The following CACHD1 variants were observed in gnomAD, a reference collection of about 807,000 sequenced individuals.
CACHD1 encodes VWFA and cache domain-containing protein 1.
A neutral mutation model predicts 138.7 loss-of-function variants in CACHD1; 71 were observed. The observed-to-expected ratio is 0.51, with a 90% CI of 0.42 to 0.62. The LOEUF is 0.62. Among genes scored for constraint, CACHD1 ranks in the 20% least tolerant of loss-of-function variants. CACHD1 has a pLI of 0.00. For missense variants in CACHD1, 1,389 were observed against 1,625.3 expected, an observed-to-expected ratio of 0.85 and a Z score of 2.50; for synonymous variants, 578 against 591.5, an observed-to-expected ratio of 0.98 and a Z score of 0.33.
At chr1:64,509,017 C>CT (rs993626035) in intron 1 of CACHD1, among the ~76,000 whole-genome samples, 3 of 152,110 alleles carry the variant, frequency 2.0e-5, no homozygotes, top group African/African-American at 4.8e-5. Flanking sequence ...GGAAAAAGGT[C>CT]TTTTTTTCCT....
intron 7 of CACHD1, among the ~76,000 whole-genome samples, chr1:64,638,088 T>G (rs1437796585): frequency 6.6e-6 from 1 of 152,194 alleles, no homozygotes; most frequent in Non-Finnish European, 1.5e-5. Flanking sequence ...GACTTCTAGC[T>G]CCAGCTAAAC....
intron 4 of CACHD1, among the ~76,000 whole-genome samples, chr1:64,610,851 C>T (rs913330767): frequency 2.6e-5 from 4 of 152,262 alleles, no homozygotes; most frequent in Non-Finnish European, 4.4e-5. Context: ...CTCCCTTCCA[C>T]ACTGCCCTAG....
At chr1:64,543,677 T>C (rs1412218146) in intron 1 of CACHD1, among the ~76,000 whole-genome samples, 1 of 151,728 alleles carries the variant, frequency 6.6e-6, no homozygotes, top group Non-Finnish European at 1.5e-5. Context: ...TTATTGGGCC[T>C]TCCATTTGTT....
chr1:64,587,766 G>T (rs1291259422), intron 3 of CACHD1, among the ~76,000 whole-genome samples: 1 of 152,104 alleles, frequency 6.6e-6, no homozygotes, highest in Non-Finnish European at 1.5e-5. Context: ...TTTAGGTGAG[G>T]TGCTAGGGAC....
At chr1:64,567,028 G>A (rs186763960) in intron 2 of CACHD1, among the ~76,000 whole-genome samples, 1 of 152,186 alleles carries the variant, frequency 6.6e-6, no homozygotes, top group Admixed American at 6.5e-5. Flanking sequence ...TGAGTATAGG[G>A]ACCATGACAG....
intron 1 of CACHD1, among the ~76,000 whole-genome samples, chr1:64,500,414 G>T (rs994135556): frequency 2.6e-5 from 4 of 152,206 alleles, no homozygotes; most frequent in South Asian, 4.1e-4. Context: ...TATAATCTTC[G>T]AAGAACTTTC....
At chr1:64,605,302 GT>G (rs1570409790) in intron 4 of CACHD1, among the ~76,000 whole-genome samples, 1 of 152,064 alleles carries the variant, frequency 6.6e-6, no homozygotes, top group East Asian at 1.9e-4. Flanking sequence ...CAATAATTAA[GT>G]TTTAAATATT....
At chr1:64,511,404 G>A (rs536223778) in intron 1 of CACHD1, among the ~76,000 whole-genome samples, 49 of 152,270 alleles carry the variant, frequency 3.2e-4, no homozygotes, top group Middle Eastern at 3.4e-3. Context: ...AGAAAATAAA[G>A]AAGTGGAAGA....
intron 1 of CACHD1, among the ~76,000 whole-genome samples, chr1:64,516,476 G>A (rs1003186740): frequency 6.6e-6 from 1 of 152,150 alleles, no homozygotes; most frequent in Admixed American, 6.6e-5. Context: ...CCTGGCACAC[G>A]CTAGGTACTT....
chr1:64,678,804 A>G (rs1159011022), intron 23 of CACHD1, among the ~76,000 whole-genome samples: 2 of 152,198 alleles, frequency 1.3e-5, no homozygotes, highest in Non-Finnish European at 2.9e-5. Context: ...GCACAAGGAC[A>G]CCACAGGGTG....
At chr1:64,524,121 G>A (rs1167231381) in intron 1 of CACHD1, among the ~76,000 whole-genome samples, 2 of 152,136 alleles carry the variant, frequency 1.3e-5, no homozygotes, top group East Asian at 3.9e-4. Flanking sequence ...TCCCGTAATG[G>A]TTAAACTTTG....
intron 4 of CACHD1, among the ~76,000 whole-genome samples, chr1:64,608,563 T>A (rs534488879): frequency 6.6e-6 from 1 of 152,288 alleles, no homozygotes; most frequent in African/African-American, 2.4e-5. Context: ...CAAAACTGGG[T>A]CGTGTGTCCA....
chr1:64,543,469 G>A (rs1646694100), intron 1 of CACHD1, among the ~76,000 whole-genome samples: 1 of 149,498 alleles, frequency 6.7e-6, no homozygotes, highest in South Asian at 2.1e-4. Flanking sequence ...CTAGCTACTT[G>A]GGAGGCTGAG....
At chr1:64,529,797 C>G (rs1646568169) in intron 1 of CACHD1, among the ~76,000 whole-genome samples, 1 of 152,174 alleles carries the variant, frequency 6.6e-6, no homozygotes, top group Admixed American at 6.6e-5. Flanking sequence ...GTCTTGCTGC[C>G]AAGAACTATT....
chr1:64,530,630 G>T (rs1301908463), intron 1 of CACHD1, among the ~76,000 whole-genome samples: 1 of 152,028 alleles, frequency 6.6e-6, no homozygotes, highest in Non-Finnish European at 1.5e-5. Context: ...CAGCACTTTG[G>T]GAGGCCGAGG....
intron 5 of CACHD1, among the ~76,000 whole-genome samples, chr1:64,630,623 T>C (rs1648269877): frequency 6.6e-6 from 1 of 152,084 alleles, no homozygotes; most frequent in Non-Finnish European, 1.5e-5. Context: ...TTTCTTCCTT[T>C]CCCTCCCCAC....
intron 16 of CACHD1, among the ~76,000 whole-genome samples, chr1:64,667,982 G>A (rs373955998): frequency 2.1e-4 from 32 of 152,294 alleles, no homozygotes; most frequent in South Asian, 6.2e-4. Context: ...AATATTTATC[G>A]TGTTGGTCCA....
In CACHD1 at chr1:64,681,141, A is replaced by T. The variant is rs1557555354; in HGVS notation, c.3407-117A>T. The T allele has an allele frequency of 8.9e-6, 6 of 677,330 alleles. No individual in the cohort carries two copies. In the Middle Eastern group the frequency reaches 7.8e-4, roughly 88 times the overall value. 42.0% of individuals were successfully genotyped at this position (677,330 alleles called of 1,614,324 possible). Reference sequence around the variant, plus strand: ...TCAGTTCATTCCCTTCTAAGATGGGATTCATTCTTGATGGAATGCTGTCAC... The same window carrying T: ...TCAGTTCATTCCCTTCTAAGATGGGTTTCATTCTTGATGGAATGCTGTCAC... On this transcript the variant is annotated intron_variant, in intron 24 of 26. Coordinates refer to ENST00000651257, the MANE Select transcript of CACHD1 (RefSeq NM_020925.4).
chr1:64,630,384 T>C (rs988986237), intron 5 of CACHD1, among the ~76,000 whole-genome samples: 5 of 151,570 alleles, frequency 3.3e-5, no homozygotes, highest in Admixed American at 3.3e-4. Flanking sequence ...CTCTGCAAAC[T>C]CTGCCTCCCG....
Sources: allele counts gnomAD v4.1 joint callset (sites outside exome capture counted in the v4.1 genomes callset), GRCh38; gene constraint gnomAD v4.1.1; transcripts MANE v1.5; gene names NCBI Gene and HGNC (gene_info 2026-07-23, HGNC 2026-07-21).